Variants in APC observed in about 807,000 individuals in gnomAD.
The protein encoded by APC is APC regulator of Wnt signaling pathway, also known as adenomatous polyposis coli protein.
A neutral mutation model predicts 247.0 loss-of-function variants in APC; 72 were observed. The ratio of observed to expected loss-of-function variants is 0.29; its 90% CI spans 0.24 to 0.35. The LOEUF (loss-of-function observed/expected upper bound fraction) is 0.35. Ranked by LOEUF, APC falls within the 10% of genes least tolerant of loss-of-function variation. APC has a pLI of 1.00. For missense variants in APC, 3,400 were observed against 3,360.7 expected, an observed-to-expected ratio of 1.01 and a Z score of -0.29; for synonymous variants, 1,254 against 1,162.5, an observed-to-expected ratio of 1.08 and a Z score of -1.60.
intron 14 of APC, among the ~76,000 whole-genome samples, chr5:112,830,532 A>G (rs1440149787): frequency 6.6e-6 from 1 of 152,236 alleles, no homozygotes; most frequent in Non-Finnish European, 1.5e-5. Flanking sequence ...CATATGACCC[A>G]ACCATTCCAC....
chr5:112,830,325 A>G (rs1457942310), intron 14 of APC, among the ~76,000 whole-genome samples: 1 of 138,108 alleles, frequency 7.2e-6, no homozygotes, highest in Non-Finnish European at 1.6e-5. Flanking sequence ...AATATCATTA[A>G]TCATCAGGGA....
At chr5:112,832,291 C>T (rs1454274052) in intron 14 of APC, among the ~76,000 whole-genome samples, 1 of 152,062 alleles carries the variant, frequency 6.6e-6, no homozygotes, top group Non-Finnish European at 1.5e-5. Context: ...TAAATTCTTG[C>T]TTTTTTTGTT....
intron 2 of APC, among the ~76,000 whole-genome samples, chr5:112,758,810 C>T (rs982382355): frequency 3.3e-5 from 5 of 151,920 alleles, no homozygotes; most frequent in Non-Finnish European, 5.9e-5. Flanking sequence ...GCCATGTTTG[C>T]CAGGCTGGTC....
intron 1 of APC, among the ~76,000 whole-genome samples, chr5:112,742,167 A>G (rs142999375): frequency 6.6e-6 from 1 of 152,236 alleles, no homozygotes; most frequent in East Asian, 1.9e-4. Context: ...TTTGAACATT[A>G]TTAACTCAAT....
At chr5:112,834,085 C>T (rs373441212) in intron 14 of APC, among the ~76,000 whole-genome samples, 86 of 151,722 alleles carry the variant, frequency 5.7e-4, no homozygotes, top group African/African-American at 1.9e-3. Context: ...ACTGCAGGCG[C>T]GTGCCACCAT....
intron 2 of APC, among the ~76,000 whole-genome samples, chr5:112,756,861 G>GT (rs1398952429): frequency 6.6e-6 from 1 of 152,100 alleles, no homozygotes; most frequent in Non-Finnish European, 1.5e-5. Context: ...GGCCAGAAGT[G>GT]TTTTGGATTT....
intron 3 of APC, among the ~76,000 whole-genome samples, chr5:112,766,915 C>T (rs1756398844): frequency 6.6e-6 from 1 of 152,110 alleles, no homozygotes; most frequent in Admixed American, 6.6e-5. Flanking sequence ...ATAATTGAAG[C>T]CAGACAGAGA....
In APC at chr5:112,843,073, A is replaced by G. The variant is rs775954189; in HGVS notation, c.7479A>G (p.Leu2493=). ...VLSPSLPDMS[L]STHSSVQAGG... Reference sequence around the variant, plus strand: ...GTCCTTCCCTTCCTGATATGTCTCTATCCACACATTCGTCTGTTCAGGCTG... The same window carrying G: ...GTCCTTCCCTTCCTGATATGTCTCTGTCCACACATTCGTCTGTTCAGGCTG... The change falls in exon 16 of 16, where the codon CTA becomes CTG. Residue 2493 remains leucine, a synonymous_variant. Transcript: ENST00000257430. This position sits in a 1 kb window ranked among gnomAD's most constrained non-coding sequence, Gnocchi z 4.8. 10 of 1,613,864 alleles carry G rather than the reference A, an allele frequency of 6.2e-6. No individual in the cohort carries two copies. The African/African-American group carries it at 6.7e-5, about 11-fold the overall frequency.
chr5:112,795,485 G>A (rs112669102), intron 7 of APC, among the ~76,000 whole-genome samples: 4 of 152,138 alleles, frequency 2.6e-5, no homozygotes, highest in Non-Finnish European at 5.9e-5. Context: ...CTGGAGGTCC[G>A]TCTGGCCCAA....
In APC at chr5:112,843,972, G is replaced by A. The variant is rs374853436; in HGVS notation, c.8378G>A (p.Ser2793Asn). 12 of 1,604,188 alleles carry A rather than the reference G, an allele frequency of 7.5e-6. No homozygotes were observed. The highest frequency in any genetic ancestry group is 1.0e-5 in the Non-Finnish European group (12 of 1,175,268). ...PFNYNPSPRKSSADSTSARPS... is the reference protein window; with the variant it reads ...PFNYNPSPRKNSADSTSARPS... ...AATTACAACCCAAGCCCTAGGAAAA[G>A]CAGCGCAGATAGCACTTCAGCTCGG... The change falls in exon 16 of 16, where the codon AGC (serine) becomes AAC (asparagine). Residue 2793 changes from serine (S) to asparagine (N), a missense_variant. This residue lies in a region of APC where 1,788 missense variants were observed against 1,649.5 expected (regional missense o/e 1.08). Transcript: ENST00000257430. The surrounding 1 kb of genome is among the most constrained non-coding windows in gnomAD (Gnocchi z 4.8).
At position 112,842,988 on chromosome 5, in the gene APC, T is replaced by C. The variant is rs2149986026; in HGVS notation, c.7394T>C (p.Leu2465Pro). 1 of 1,614,112 alleles carries C rather than the reference T, an allele frequency of 6.2e-7. No homozygotes were observed. Among genetic ancestry groups the C allele is most frequent in the Non-Finnish European group, 8.5e-7 (1 of 1,179,968 alleles). ...KLEESASFESLSPSSRPASPT... is the reference protein window; with the variant it reads ...KLEESASFESPSPSSRPASPT... ...GAGGAATCTGCTTCATTTGAATCTCTTTCTCCATCATCTAGACCAGCTTCT... is the reference window on the plus strand; with the variant it reads ...GAGGAATCTGCTTCATTTGAATCTCCTTCTCCATCATCTAGACCAGCTTCT... Residue 2465 changes from leucine (L) to proline (P), a missense_variant, in exon 16 of 16, where the codon CTT (leucine) becomes CCT (proline). Around this residue, in one of 9 missense-constraint regions of APC, gnomAD observed 1,788 missense variants for 1,649.5 expected, o/e 1.08. Transcript: ENST00000257430.
At chr5:112,714,441 CA>C (rs1008794228) in intron 1 of APC, among the ~76,000 whole-genome samples, 2 of 151,984 alleles carry the variant, frequency 1.3e-5, no homozygotes, top group Non-Finnish European at 2.9e-5. Flanking sequence ...CTGGCTTAAA[CA>C]AAAAAAGGGA....
chr5:112,807,312 A>G (rs78597173), intron 8 of APC, among the ~76,000 whole-genome samples: 1,936 of 152,060 alleles, frequency 0.013, 37 homozygotes, highest in African/African-American at 0.044. Flanking sequence ...GGTTTTTGTA[A>G]TTTGTTATTT....
At chr5:112,811,092 A>G (rs549190497) in intron 8 of APC, among the ~76,000 whole-genome samples, 14 of 152,320 alleles carry the variant, frequency 9.2e-5, no homozygotes, top group African/African-American at 2.6e-4. Context: ...TAAAAGGAGC[A>G]TGAAGTAAAA....
In APC at chr5:112,819,318, C is replaced by T. The variant is rs1003390887; in HGVS notation, c.1286C>T (p.Pro429Leu). 1.9e-6 allele frequency: 3 copies of T among 1,613,900 alleles called. No homozygotes were observed. Among genetic ancestry groups the T allele is most frequent in the Non-Finnish European group, 2.5e-6 (3 of 1,179,976 alleles). The change falls in exon 10 of 16, where the codon CCA becomes CTA. Residue 429 changes from proline (P) to leucine (L), a missense_variant. Around this residue, in one of 9 missense-constraint regions of APC, gnomAD observed 199 missense variants for 212.5 expected, o/e 0.94. Transcript: ENST00000257430. ...TCWEWQEAHE[P>L]GMDQDKNPMP... is the part of the protein sequence containing the mutation. ...TGGGAGTGGCAGGAAGCTCATGAAC[C>T]AGGCATGGACCAGGACAAAAATCCA... is the stretch of plus-strand genomic sequence containing the variant.
At chr5:112,793,332 C>T (rs779415215) in intron 7 of APC, among the ~76,000 whole-genome samples, 3 of 152,102 alleles carry the variant, frequency 2.0e-5, no homozygotes, top group Non-Finnish European at 4.4e-5. Context: ...CTACTGAATG[C>T]TGAAACCCCC....
At chr5:112,791,648 G>A (rs1263094693) in intron 6 of APC, among the ~76,000 whole-genome samples, 1 of 152,084 alleles carries the variant, frequency 6.6e-6, no homozygotes, top group Non-Finnish European at 1.5e-5. Context: ...CCAGTCCCTG[G>A]TGCCAAAAAG....
chr5:112,836,693 G>A (rs1764981622), intron 15 of APC, among the ~76,000 whole-genome samples: 2 of 151,978 alleles, frequency 1.3e-5, no homozygotes, highest in African/African-American at 2.4e-5. Flanking sequence ...CTGCCAAAGA[G>A]CAGTTTTTCT....
At chr5:112,833,589 G>A (rs1764544923) in intron 14 of APC, among the ~76,000 whole-genome samples, 1 of 152,156 alleles carries the variant, frequency 6.6e-6, no homozygotes. Context: ...CTCCCAAAGT[G>A]CTGGGCCTGA....
Sources: allele counts gnomAD v4.1 joint callset (sites outside exome capture counted in the v4.1 genomes callset), GRCh38; gene constraint gnomAD v4.1.1; regional missense constraint gnomAD v4.1.1; non-coding constraint Gnocchi (gnomAD v3.1); transcripts MANE v1.5; gene names NCBI Gene and HGNC (gene_info 2026-07-23, HGNC 2026-07-21).